Variants in FRMD4B observed in about 807,000 individuals in gnomAD.
FRMD4B encodes FERM domain containing 4B.
In FRMD4B, 74 loss-of-function variants were observed where a neutral mutation model predicts 141.5. That is an observed-to-expected ratio of 0.52 (90% CI 0.43 to 0.63). The LOEUF is 0.63. Ranked by LOEUF, FRMD4B falls within the 30% of genes least tolerant of loss-of-function variation. The probability of loss-of-function intolerance (pLI) is 0.00; values close to 1 mark genes in which losing one functional copy is unlikely to be tolerated. For missense variants in FRMD4B, 1,366 were observed against 1,253.4 expected, an observed-to-expected ratio of 1.09 and a Z score of -1.36; for synonymous variants, 506 against 467.9, an observed-to-expected ratio of 1.08 and a Z score of -1.05.
chr3:69,232,819 T>C (rs2093318832), intron 7 of FRMD4B, among the ~76,000 whole-genome samples: 1 of 151,364 alleles, frequency 6.6e-6, no homozygotes, highest in South Asian at 2.1e-4. Flanking sequence ...ACCCTTGCTG[T>C]CTATGCTTGG....
chr3:69,215,282 C>CTTT (rs1559724064), intron 11 of FRMD4B, among the ~76,000 whole-genome samples: 14 of 37,464 alleles, frequency 3.7e-4, no homozygotes, highest in Non-Finnish European at 5.2e-4. Flanking sequence ...GATTGTGACC[C>CTTT]TCTTTTTTTT....
At chr3:69,307,027 A>G (rs1444378176) in intron 3 of FRMD4B, among the ~76,000 whole-genome samples, 2 of 152,062 alleles carry the variant, frequency 1.3e-5, no homozygotes, top group African/African-American at 2.4e-5. Context: ...GAAATGGCCA[A>G]TTTCCACCCC....
intron 4 of FRMD4B, among the ~76,000 whole-genome samples, chr3:69,299,898 G>C (rs1446672447): frequency 6.6e-6 from 1 of 152,046 alleles, no homozygotes; most frequent in Non-Finnish European, 1.5e-5. Flanking sequence ...TGACACAAGA[G>C]GTGAGGTACC....
intron 2 of FRMD4B, among the ~76,000 whole-genome samples, chr3:69,404,942 T>G (rs1559517980): frequency 6.6e-6 from 1 of 152,166 alleles, no homozygotes. Flanking sequence ...CAGGCAGGAA[T>G]GAAAGAGATT....
intron 1 of FRMD4B, among the ~76,000 whole-genome samples, chr3:69,365,006 G>A (rs17005689): frequency 0.22 from 33,368 of 151,998 alleles, 4,620 homozygotes; most frequent in African/African-American, 0.4. Context: ...ATATGAAACC[G>A]AATAGTATAG....
chr3:69,279,145 T>C (rs936108724), intron 5 of FRMD4B, among the ~76,000 whole-genome samples: 5 of 152,216 alleles, frequency 3.3e-5, no homozygotes, highest in Non-Finnish European at 5.9e-5. Context: ...TTAGGACTTT[T>C]AGGCCACAGG....
intron 12 of FRMD4B, 60 bp from the exon 13 acceptor site, chr3:69,197,098 T>G: frequency 7.1e-7 from 1 of 1,409,108 alleles, no homozygotes; most frequent in Non-Finnish European, 9.9e-7. Flanking sequence ...ATGCAAAATG[T>G]ACCCTGCGAG....
chr3:69,351,055 T>C (rs1264075997), intron 1 of FRMD4B, among the ~76,000 whole-genome samples: 2 of 152,032 alleles, frequency 1.3e-5, no homozygotes, highest in African/African-American at 2.4e-5. Context: ...CTTTACAGCC[T>C]GATCTACAAA....
chr3:69,228,015 A>G (rs2093270682), intron 7 of FRMD4B, among the ~76,000 whole-genome samples: 1 of 152,234 alleles, frequency 6.6e-6, no homozygotes. Context: ...ACGAAGAAAG[A>G]AATATACTTT....
intron 2 of FRMD4B, among the ~76,000 whole-genome samples, chr3:69,424,092 T>A (rs1383042640): frequency 1.3e-5 from 2 of 152,180 alleles, no homozygotes; most frequent in Non-Finnish European, 2.9e-5. Flanking sequence ...TGTTAATGAA[T>A]CAACTACATA....
chr3:69,373,637 C>T (rs1459515652), intron 1 of FRMD4B, among the ~76,000 whole-genome samples: 1 of 152,076 alleles, frequency 6.6e-6, no homozygotes, highest in Non-Finnish European at 1.5e-5. Flanking sequence ...CTTTGAGAGG[C>T]TGAGGTGGGA....
chr3:69,249,970 T>C (rs115023384), intron 6 of FRMD4B, 73 bp downstream of exon 6: 1 of 973,012 alleles, frequency 1.0e-6, no homozygotes, highest in African/African-American at 1.6e-5. Flanking sequence ...TGCAAAAGTT[T>C]CAGAGTTGCA....
At position 69,244,069 on chromosome 3, in the gene FRMD4B, T is replaced by C. The variant is rs2093407115; in HGVS notation, c.581+5157A>G. On this transcript the variant is annotated intron_variant, in intron 7 of 22. Transcript: ENST00000398540. The stretch of plus-strand genomic sequence containing the variant: ...CAAAAAATAATATATAAAATAACAC[T>C]GTAATACCCAATTATTAGCTCAACA... Among the ~76,000 whole-genome samples, 3 of 151,882 alleles carry C rather than the reference T, an allele frequency of 2.0e-5. No homozygotes were observed. The South Asian group carries it at 6.2e-4, about 32-fold the overall frequency.
At chr3:69,507,025 T>C (rs978289937) in intron 1 of FRMD4B, among the ~76,000 whole-genome samples, 1 of 152,212 alleles carries the variant, frequency 6.6e-6, no homozygotes, top group Non-Finnish European at 1.5e-5. Context: ...ACAGGATTCT[T>C]GAGTGTGGAC....
chr3:69,300,420 G>GT (rs1321864925), intron 4 of FRMD4B, among the ~76,000 whole-genome samples: 1 of 152,208 alleles, frequency 6.6e-6, no homozygotes, highest in African/African-American at 2.4e-5. Flanking sequence ...AACACTCCAA[G>GT]TAAGTGCTGA....
intron 8 of FRMD4B, among the ~76,000 whole-genome samples, chr3:69,223,422 G>C (rs1031831548): frequency 2.0e-5 from 3 of 152,128 alleles, no homozygotes; most frequent in African/African-American, 7.2e-5. Flanking sequence ...TACTGAAGCA[G>C]GAGAATTGCT....
At chr3:69,214,725 G>T (rs1050787020) in intron 11 of FRMD4B, among the ~76,000 whole-genome samples, 1 of 152,008 alleles carries the variant, frequency 6.6e-6, no homozygotes, top group African/African-American at 2.4e-5. Flanking sequence ...ATCTGGGCAT[G>T]GTAGCATGTG....
chr3:69,241,842 C>T (rs1285787838), intron 7 of FRMD4B, among the ~76,000 whole-genome samples: 1 of 151,950 alleles, frequency 6.6e-6, no homozygotes, highest in Non-Finnish European at 1.5e-5. Flanking sequence ...GCACTCCAGC[C>T]TGGGCAACAC....
At chr3:69,182,819 G>A in intron 19 of FRMD4B, 102 bp from the exon 20 acceptor site, 1 of 1,047,812 alleles carries the variant, frequency 9.5e-7, no homozygotes, top group Non-Finnish European at 1.4e-6. Flanking sequence ...CCCAAGGAAA[G>A]GGAAAATAGG....
Sources: gnomAD v4.1 joint callset for allele counts (sites outside exome capture counted in the v4.1 genomes callset) on GRCh38, gnomAD v4.1.1 for gene constraint, MANE v1.5 for transcripts, NCBI Gene and HGNC (gene_info 2026-07-23, HGNC 2026-07-21) for gene names.